MED18: variants seen among roughly 807,000 people sequenced by gnomAD.
MED18 encodes the protein mediator complex subunit 18, also known as mediator of RNA polymerase II transcription subunit 18.
In MED18, 10 loss-of-function variants were observed where a neutral mutation model predicts 13.9. The observed-to-expected ratio is 0.72, with a 90% confidence interval of 0.44 to 1.22. MED18 has a LOEUF of 1.22. MED18 is among the 50% of genes most tolerant of loss of function. The pLI is 0.00. For synonymous variants in MED18, 88 were observed against 93.2 expected (o/e 0.94, Z 0.32); for missense variants, 216 against 279.0 (o/e 0.77, Z 1.61).
chr1:28,329,428 G>A (rs763729708), intron 1 of MED18, among the ~76,000 whole-genome samples: 2 of 151,882 alleles, frequency 1.3e-5, no homozygotes, highest in Non-Finnish European at 2.9e-5. Flanking sequence ...TGGGATTACA[G>A]GCGCTCGCCA....
intron 1 of MED18, 26 bp from the exon 2 acceptor site, chr1:28,330,571 G>A (rs1325445020): frequency 1.2e-5 from 11 of 915,830 alleles, no homozygotes; most frequent in African/African-American, 5.1e-5. Context: ...CCACTTTGAT[G>A]TATAAACAAG....
rs542617913 is a variant in MED18, at chr1:28,334,285, A to C, written c.74-132A>C. Reference sequence around the variant, plus strand: ...GGTAGTGTAATTTCTGTAAAATCTCATGTTTGGCTGTATGTTTTATGAAAT... The same window carrying C: ...GGTAGTGTAATTTCTGTAAAATCTCCTGTTTGGCTGTATGTTTTATGAAAT... On this transcript the variant is annotated intron_variant, in intron 2 of 2. Coordinates refer to ENST00000373842, the MANE Select transcript of MED18 (RefSeq NM_017638.3). 5 of 954,400 alleles carry C rather than the reference A, an allele frequency of 5.2e-6. No homozygotes were observed. In the Admixed American group the frequency reaches 1.2e-4, roughly 23 times the overall value. The allele number at this position is 954,400 out of a possible 1,614,324, so 59.1% of individuals were successfully genotyped here.
intron 2 of MED18, 102 bp from the exon 3 acceptor site, chr1:28,334,315 C>A: frequency 8.0e-7 from 1 of 1,251,756 alleles, no homozygotes; most frequent in Non-Finnish European, 1.1e-6. Context: ...TGAAATGCTT[C>A]ACTAAACTGT....
intron 2 of MED18, among the ~76,000 whole-genome samples, chr1:28,334,126 A>C (rs1209204128): frequency 6.6e-6 from 1 of 152,196 alleles, no homozygotes; most frequent in Non-Finnish European, 1.5e-5. Flanking sequence ...ACTGTCGCTG[A>C]TTAAAGGCTC....
At chr1:28,333,194 T>C (rs1649801375) in intron 2 of MED18, among the ~76,000 whole-genome samples, 1 of 152,204 alleles carries the variant, frequency 6.6e-6, no homozygotes. Context: ...GGAAGTTGGA[T>C]GTTTTCATCT....
chr1:28,330,829 G>A, intron 2 of MED18, 94 bp downstream of exon 2: 2 of 891,214 alleles, frequency 2.2e-6, no homozygotes, highest in East Asian at 3.1e-5. Flanking sequence ...AGCCTGCACA[G>A]TTTCTGGCAC....
rs951284701 is a variant in MED18 at position 28,330,053 on chromosome 1, C to A, written c.-66-544C>A. 3.9e-5 allele frequency among the ~76,000 whole-genome samples: 6 copies of A among 152,022 alleles called. No homozygotes were observed. The South Asian group carries it at 1.0e-3, about 26-fold the overall frequency. Reference sequence around the variant, plus strand: ...GGGAGGCCGGATCACCTGAGTATCACCTGAGGCCAGGAGTTCGAGGCCAAC... The same window carrying A: ...GGGAGGCCGGATCACCTGAGTATCAACTGAGGCCAGGAGTTCGAGGCCAAC... On this transcript the variant is annotated intron_variant, in intron 1 of 2. Transcript: ENST00000373842.
Position 28,335,730 on chromosome 1 carries a change from G to A in MED18, c.*760G>A, listed in dbSNP as rs1282517781. 6.6e-6 allele frequency: 1 copy of A among 152,148 alleles called. No individual in the cohort carries two copies. The highest frequency in any genetic ancestry group is 1.9e-4 in the East Asian group (1 of 5,194). 9.4% of individuals were successfully genotyped at this position (152,148 alleles called of 1,614,324 possible). On this transcript the variant is annotated 3_prime_UTR_variant, in exon 3 of 3. Transcript: ENST00000373842. ...CCAGCTACTTGGGAGGCTGAGGCTGGAGAATCGCTTGAACCCAGGAGGTGA... is the reference window on the plus strand; with the variant it reads ...CCAGCTACTTGGGAGGCTGAGGCTGAAGAATCGCTTGAACCCAGGAGGTGA...
Position 28,334,910 on chromosome 1 carries a change from C to T in MED18, c.567C>T (p.Phe189=), listed in dbSNP as rs377271388. 24 of 1,614,140 alleles carry T rather than the reference C, an allele frequency of 1.5e-5. No homozygotes were observed. The highest frequency in any genetic ancestry group is 2.2e-5 in the East Asian group (1 of 44,888). Residue 189 remains phenylalanine, a synonymous_variant, in exon 3 of 3, where the codon TTC becomes TTT. Coordinates refer to ENST00000373842, the MANE Select transcript of MED18 (RefSeq NM_017638.3). The stretch of plus-strand genomic sequence containing the variant: ...TGGTCTCTGATGACATGAAGAACTT[C>T]GCAGAACAGCTAAAACCTCTGGTTC... ...QDMVSDDMKN[F]AEQLKPLVHL...
In MED18 at chr1:28,330,678, G is replaced by A; in HGVS notation, c.16G>A (p.Val6Ile). The A allele has an allele frequency of 6.2e-7, 1 of 1,607,064 alleles. No individual in the cohort carries two copies. Among genetic ancestry groups the A allele is most frequent in the Non-Finnish European group, 8.5e-7 (1 of 1,177,162 alleles). ...CTTAGACACCATGGAGGCACCTCCAGTCACCATGATGCCTGTCACTGGGGG... is the reference window on the plus strand; with the variant it reads ...CTTAGACACCATGGAGGCACCTCCAATCACCATGATGCCTGTCACTGGGGG... Reference protein sequence around the residue: MEAPPVTMMPVTGGTI... With the variant: MEAPPITMMPVTGGTI... Residue 6 changes from valine to isoleucine, a missense_variant, in exon 2 of 3, where the codon GTC (valine) becomes ATC (isoleucine). Transcript: ENST00000373842.
chr1:28,335,240 C>T lies in MED18; in HGVS notation c.*270C>T, dbSNP rs1416210316. The stretch of plus-strand genomic sequence containing the variant: ...TATTTTTAGTAGAAATGGGGATTCA[C>T]CATGTTGGTCAGGCTATTCTCGAAC... On this transcript the variant is annotated 3_prime_UTR_variant, in exon 3 of 3. Transcript: ENST00000373842. 5.5e-6 allele frequency: 2 copies of T among 361,884 alleles called. No individual in the cohort carries two copies. The highest frequency in any genetic ancestry group is 1.0e-5 in the Non-Finnish European group (2 of 195,556). The allele number at this position is 361,884 out of a possible 1,614,324, so 22.4% of individuals were successfully genotyped here.
At position 28,330,608 on chromosome 1, in the gene MED18, G is replaced by A; in HGVS notation, c.-55G>A. On this transcript the variant is annotated 5_prime_UTR_variant, in exon 2 of 3. Coordinates refer to ENST00000373842, the MANE Select transcript of MED18 (RefSeq NM_017638.3). ...GAACTCTTTTCCAGGTATATCCCGT[G>A]CCTTACCTGACTGGGGGCTCTGAGT... 2 of 1,420,022 alleles carry A rather than the reference G, an allele frequency of 1.4e-6. No homozygotes were observed. Among genetic ancestry groups the A allele is most frequent in the South Asian group, 1.2e-5 (1 of 83,910 alleles). 88.0% of individuals were successfully genotyped at this position (1,420,022 alleles called of 1,614,324 possible). A position where few individuals can be genotyped will look rare whatever the true frequency, so the allele number is the denominator to read the frequency against.
chr1:28,335,192 C>G lies in MED18; in HGVS notation c.*222C>G. On this transcript the variant is annotated 3_prime_UTR_variant, in exon 3 of 3. Transcript: ENST00000373842. The stretch of plus-strand genomic sequence containing the variant: ...GAGTAGCTGGGATTACAGGCACATG[C>G]CACCATGCTCAGCTAATTTTTGTAT... 1 of 493,622 alleles carries G rather than the reference C, an allele frequency of 2.0e-6. No individual in the cohort carries two copies. Among genetic ancestry groups the G allele is most frequent in the South Asian group, 2.6e-5 (1 of 37,966 alleles). 30.6% of individuals were successfully genotyped at this position (493,622 alleles called of 1,614,324 possible).
intron 2 of MED18, among the ~76,000 whole-genome samples, chr1:28,333,382 G>A (rs572724039): frequency 1.4e-4 from 21 of 152,236 alleles, no homozygotes; most frequent in South Asian, 4.1e-4. Context: ...AGACTTAAAC[G>A]GAATGGTCAG....
In MED18 at chr1:28,330,577, A is replaced by G. The variant is rs182981786; in HGVS notation, c.-66-20A>G. 2.5e-4 allele frequency: 255 copies of G among 1,003,498 alleles called. No homozygotes were observed. The highest frequency in any genetic ancestry group is 3.7e-4 in the Admixed American group (15 of 40,924). The allele number at this position is 1,003,498 out of a possible 1,614,324, so 62.2% of individuals were successfully genotyped here. On this transcript the variant is annotated intron_variant, in intron 1 of 2. Transcript: ENST00000373842. ...CTCTCTCCACCACTTTGATGTATAA[A>G]CAAGTGAACTCTTTTCCAGGTATAT... is the stretch of plus-strand genomic sequence containing the variant.
chr1:28,329,792 C>T (rs561639479), intron 1 of MED18, among the ~76,000 whole-genome samples: 4 of 152,256 alleles, frequency 2.6e-5, no homozygotes, highest in African/African-American at 9.6e-5. Flanking sequence ...AGAGATAGAA[C>T]GCCTAGATGT....
At chr1:28,333,800 C>T (rs762219281) in intron 2 of MED18, among the ~76,000 whole-genome samples, 2 of 152,186 alleles carry the variant, frequency 1.3e-5, no homozygotes, top group Non-Finnish European at 2.9e-5. Flanking sequence ...GTGGAGGTTG[C>T]AGTGAGCTGA....
chr1:28,334,476 A>T lies in MED18; in HGVS notation c.133A>T (p.Asn45Tyr). ...CCACCGCCTTCGTGGTTTGTGTGAC[A>T]ACATGGAACCTGAGACTTTCCTTGA... ...LIHRLRGLCD[N>Y]MEPETFLDHE... The change falls in exon 3 of 3, where the codon AAC (asparagine) becomes TAC (tyrosine). Residue 45 changes from asparagine to tyrosine, a missense_variant. Coordinates refer to ENST00000373842, the MANE Select transcript of MED18 (RefSeq NM_017638.3). 6.2e-7 allele frequency: 1 copy of T among 1,614,234 alleles called. No homozygotes were observed.
At chr1:28,330,770 C>T (rs1649696890) in intron 2 of MED18, 35 bp downstream of exon 2, 1 of 1,530,552 alleles carries the variant, frequency 6.5e-7, no homozygotes, top group Non-Finnish European at 8.9e-7. Context: ...TACCTGTTTT[C>T]CTCTTCTCTG....
Sources: allele counts gnomAD v4.1 joint callset (sites outside exome capture counted in the v4.1 genomes callset), GRCh38; gene constraint gnomAD v4.1.1; transcripts MANE v1.5; gene names NCBI Gene and HGNC (gene_info 2026-07-23, HGNC 2026-07-21).